The following CRYBG2 variants were observed in gnomAD, a reference collection of about 807,000 sequenced individuals.
The protein encoded by CRYBG2 is crystallin beta-gamma domain containing 2.
Under a neutral mutation model 153.4 loss-of-function variants are expected in CRYBG2, and 106 were observed. The ratio of observed to expected loss-of-function variants is 0.69; its 90% CI spans 0.59 to 0.81. The LOEUF (loss-of-function observed/expected upper bound fraction) is 0.81. Ranked by LOEUF, CRYBG2 falls within the 30% of genes least tolerant of loss-of-function variation. CRYBG2 has a pLI of 0.00. For missense variants in CRYBG2, 1,996 were observed against 2,112.0 expected (o/e 0.95, Z 1.08); for synonymous variants, 851 against 877.8 (o/e 0.97, Z 0.54).
At chr1:26,338,749 C>G (rs2074093024) in intron 6 of CRYBG2, among the ~76,000 whole-genome samples, 1 of 152,122 alleles carries the variant, frequency 6.6e-6, no homozygotes, top group African/African-American at 2.4e-5. Context: ...ACAATAAAGC[C>G]CGGCTATGCA....
At position 26,345,716 on chromosome 1, in the gene CRYBG2, G is replaced by A. The variant is rs1247521914; in HGVS notation, c.942C>T (p.Asp314=). 1.3e-5 allele frequency: 20 copies of A among 1,597,592 alleles called. No individual in the cohort carries two copies. Among genetic ancestry groups the A allele is most frequent in the Non-Finnish European group, 1.7e-5 (20 of 1,179,272 alleles). ...CATCCGGGGCTCTGCCCTGGTCTCT[G>A]TCCGGACAGGCTGCAGGGGCATCCT... ...KNQDAPAACP[D]RDQGRAPDAR... The change falls in exon 2 of 20, where the codon GAC becomes GAT. Residue 314 remains aspartate, a synonymous_variant. Transcript: ENST00000308182.
rs752813994 is a variant in CRYBG2, at chr1:26,328,267, G to T, written c.4520C>A (p.Thr1507Asn). 45 of 1,567,384 alleles carry T rather than the reference G, an allele frequency of 2.9e-5. No individual in the cohort carries two copies. Among genetic ancestry groups the T allele is most frequent in the Non-Finnish European group, 3.6e-5 (42 of 1,155,950 alleles). ...RQWLVGSCEITNWLTYSGTQR... is the reference protein window; with the variant it reads ...RQWLVGSCEINNWLTYSGTQR... ...GGTGCCGCTGTAGGTCAGCCAGTTG[G>T]TGATCTCGCAGCTTCCCACCAGCCA... Residue 1507 changes from threonine (T) to asparagine (N), a missense_variant, in exon 17 of 20, where the codon ACC (threonine) becomes AAC (asparagine). Coordinates refer to ENST00000308182, the MANE Select transcript of CRYBG2 (RefSeq NM_001039775.4).
chr1:26,346,032 C>A lies in CRYBG2; in HGVS notation c.626G>T (p.Arg209Leu), dbSNP rs760545505. Residue 209 changes from arginine (R) to leucine (L), a missense_variant, in exon 2 of 20, where the codon CGG (arginine) becomes CTG (leucine). Transcript: ENST00000308182. The surrounding 1 kb of genome is among the most constrained non-coding windows in gnomAD (Gnocchi z 4.9). ...CACCATGCGGGAGACCTGACGGCCC[C>A]GTGGCAGGGCCTCGCCTGAGGACAC... ...RPVSSGEALP[R>L]GRQVSRMVPP... 37 of 1,592,674 alleles carry A rather than the reference C, an allele frequency of 2.3e-5. No homozygotes were observed. In the Admixed American group the frequency reaches 6.2e-4, roughly 27 times the overall value.
chr1:26,331,978 A>C (rs2074001610), intron 14 of CRYBG2, among the ~76,000 whole-genome samples: 1 of 152,200 alleles, frequency 6.6e-6, no homozygotes, highest in Non-Finnish European at 1.5e-5. Flanking sequence ...GAAGCAGCCC[A>C]GATGTCCATC....
intron 1 of CRYBG2, among the ~76,000 whole-genome samples, chr1:26,348,855 C>T (rs1394401606): frequency 1.4e-5 from 2 of 143,624 alleles, no homozygotes; most frequent in Non-Finnish European, 3.1e-5. Flanking sequence ...TGCGCCCGGC[C>T]TAAAAAAAGT....
chr1:26,331,770 G>T (rs1490283791), intron 14 of CRYBG2, 152 bp from the exon 15 acceptor site: 5 of 1,093,114 alleles, frequency 4.6e-6, no homozygotes, highest in Non-Finnish European at 6.5e-6. Flanking sequence ...AGCAGGGAAT[G>T]AGGTCAGACC....
Position 26,343,438 on chromosome 1 carries a change from C to G in CRYBG2, c.2914-145G>C. 1 of 1,053,928 alleles carries G rather than the reference C, an allele frequency of 9.5e-7. No individual in the cohort carries two copies. The highest frequency in any genetic ancestry group is 1.4e-6 in the Non-Finnish European group (1 of 710,018). The allele number at this position is 1,053,928 out of a possible 1,614,324, so 65.3% of individuals were successfully genotyped here. A position where few individuals can be genotyped will look rare whatever the true frequency, so the allele number is the denominator to read the frequency against. On this transcript the variant is annotated intron_variant, in intron 2 of 19. Transcript: ENST00000308182. The surrounding 1 kb of genome is among the most constrained non-coding windows in gnomAD (Gnocchi z 4.1). ...CGCATAGAGGATGCTCACACTTGTT[C>G]CCAACCCCCAAGGGCCTCATCACCC...
chr1:26,353,149 G>A (rs1393370780), intron 1 of CRYBG2, among the ~76,000 whole-genome samples: 2 of 152,282 alleles, frequency 1.3e-5, no homozygotes, highest in East Asian at 3.9e-4. Context: ...TCACTTTCTA[G>A]TTGACTTTGA....
chr1:26,352,560 C>T (rs1403847308), intron 1 of CRYBG2, among the ~76,000 whole-genome samples: 1 of 152,130 alleles, frequency 6.6e-6, no homozygotes, highest in African/African-American at 2.4e-5. Context: ...TTCTCGACTC[C>T]CATATTTGCC....
Position 26,338,496 on chromosome 1 carries a change from C to T in CRYBG2, c.3345-19G>A. On this transcript the variant is annotated intron_variant, in intron 6 of 19. Coordinates refer to ENST00000308182, the MANE Select transcript of CRYBG2 (RefSeq NM_001039775.4). ...TAGCCACCTAGGGGAAACAGAGAGG[C>T]TGCTGCACCCTAGCAGAGAGACTTC... The T allele has an allele frequency of 6.3e-7, 1 of 1,586,092 alleles. No homozygotes were observed. The highest frequency in any genetic ancestry group is 8.6e-7 in the Non-Finnish European group (1 of 1,167,230).
chr1:26,333,992 A>C (rs559255634), intron 14 of CRYBG2, among the ~76,000 whole-genome samples: 1 of 152,154 alleles, frequency 6.6e-6, no homozygotes, highest in South Asian at 2.1e-4. Flanking sequence ...CTAATTAAAA[A>C]TTTTTTTGTC....
At chr1:26,334,271 A>C (rs888645696) in intron 14 of CRYBG2, among the ~76,000 whole-genome samples, 1 of 152,138 alleles carries the variant, frequency 6.6e-6, no homozygotes, top group Non-Finnish European at 1.5e-5. Context: ...AAAAAAGTTA[A>C]AAAATTAGCC....
intron 6 of CRYBG2, 52 bp from the exon 7 acceptor site, chr1:26,338,529 A>G (rs756535655): frequency 2.6e-6 from 4 of 1,515,996 alleles, no homozygotes; most frequent in Non-Finnish European, 3.5e-6. Context: ...TTCAAGGGAC[A>G]CAGATTGGTG....
In CRYBG2 at chr1:26,336,573, G is replaced by C. The variant is rs2074059298; in HGVS notation, c.4038+33C>G. ...CACCCGAACTCCAGGTCCCGCCACC[G>C]GGGAGGCCCCGCCCCCCGCGGCCGG... On this transcript the variant is annotated intron_variant, in intron 12 of 19. Coordinates refer to ENST00000308182, the MANE Select transcript of CRYBG2 (RefSeq NM_001039775.4). This position sits in a 1 kb window ranked among gnomAD's most constrained non-coding sequence, Gnocchi z 4.9. 2 of 1,541,424 alleles carry C rather than the reference G, an allele frequency of 1.3e-6. No individual in the cohort carries two copies. Among genetic ancestry groups the C allele is most frequent in the Middle Eastern group, 1.7e-4 (1 of 5,882 alleles).
At chr1:26,322,347 G>T (rs11247914) in intron 18 of CRYBG2, 24 bp from the exon 19 acceptor site, 260,046 of 1,599,088 alleles carry the variant, frequency 0.16, 22,049 homozygotes, top group Middle Eastern at 0.19. Flanking sequence ...AGGTCATCAG[G>T]CATTGTTCCT....
intron 17 of CRYBG2, among the ~76,000 whole-genome samples, chr1:26,327,957 A>G: frequency 6.6e-6 from 1 of 151,502 alleles, no homozygotes; most frequent in African/African-American, 2.4e-5. Flanking sequence ...ACAAAAAAAA[A>G]AAAGAAAAAG....
At chr1:26,330,122 A>G (rs1245201331) in intron 15 of CRYBG2, among the ~76,000 whole-genome samples, 1 of 152,186 alleles carries the variant, frequency 6.6e-6, no homozygotes, top group Non-Finnish European at 1.5e-5. Context: ...AATAACAACA[A>G]TAATAATACT....
rs963191249 is a variant in CRYBG2 at position 26,343,235 on chromosome 1, C to T, written c.2961+11G>A. 1.9e-6 allele frequency: 3 copies of T among 1,550,466 alleles called. No homozygotes were observed. The highest frequency in any genetic ancestry group is 2.6e-6 in the Non-Finnish European group (3 of 1,147,020). On this transcript the variant is annotated intron_variant, in intron 3 of 19. Transcript: ENST00000308182. The surrounding 1 kb of genome is among the most constrained non-coding windows in gnomAD (Gnocchi z 4.1). ...CCTGCTGCCCCCACCCACTTGCCCCCACAACCCTACCTTTCCAGGCCTGGT... is the reference window on the plus strand; with the variant it reads ...CCTGCTGCCCCCACCCACTTGCCCCTACAACCCTACCTTTCCAGGCCTGGT...
intron 4 of CRYBG2, 77 bp downstream of exon 4, chr1:26,342,969 TG>T: frequency 1.9e-6 from 3 of 1,561,594 alleles, no homozygotes; most frequent in Middle Eastern, 1.8e-4. Flanking sequence ...TCTCCCAGGC[TG>T]GACTGGTCAC....
Sources: gnomAD v4.1 joint callset for allele counts (sites outside exome capture counted in the v4.1 genomes callset) on GRCh38, gnomAD v4.1.1 for gene constraint, Gnocchi (gnomAD v3.1) non-coding constraint, MANE v1.5 for transcripts, NCBI Gene and HGNC (gene_info 2026-07-23, HGNC 2026-07-21) for gene names.